The following CFAP61 variants were observed in gnomAD, a reference collection of about 807,000 sequenced individuals.
CFAP61 encodes cilia- and flagella-associated protein 61.
In CFAP61, 107 loss-of-function variants were observed where a neutral mutation model predicts 135.6. The ratio of observed to expected loss-of-function variants is 0.79; its 90% CI spans 0.67 to 0.93. CFAP61 has a LOEUF of 0.93. CFAP61 is among the 40% of genes least tolerant of loss of function. The pLI, the probability that CFAP61 is intolerant of heterozygous loss-of-function variation, is 0.00. For missense variants in CFAP61, 1,507 were observed against 1,556.2 expected (o/e 0.97, Z 0.53); for synonymous variants, 575 against 578.5 (o/e 0.99, Z 0.09).
chr20:20,076,031 T>G (rs1216110768), intron 6 of CFAP61, among the ~76,000 whole-genome samples: 1 of 152,230 alleles, frequency 6.6e-6, no homozygotes, highest in African/African-American at 2.4e-5. Context: ...TGAAGGTCTC[T>G]ACCATCAGGT....
At chr20:20,231,124 G>C (rs2049104597) in intron 18 of CFAP61, among the ~76,000 whole-genome samples, 1 of 152,228 alleles carries the variant, frequency 6.6e-6, no homozygotes, top group African/African-American at 2.4e-5. Flanking sequence ...GCTACTGGGA[G>C]AGCTGAAGTG....
At chr20:20,268,942 A>T (rs1259933885) in intron 21 of CFAP61, among the ~76,000 whole-genome samples, 1 of 152,090 alleles carries the variant, frequency 6.6e-6, no homozygotes, top group East Asian at 1.9e-4. Context: ...GAAAAGTATA[A>T]CATTAAAATT....
At chr20:20,104,498 T>A (rs1344782724) in intron 8 of CFAP61, among the ~76,000 whole-genome samples, 1 of 152,214 alleles carries the variant, frequency 6.6e-6, no homozygotes, top group Non-Finnish European at 1.5e-5. Context: ...CCATTTTATA[T>A]TCCTGGATTC....
chr20:20,085,374 A>G (rs2046723538), intron 6 of CFAP61: 3 of 1,337,632 alleles, frequency 2.2e-6, no homozygotes, highest in Middle Eastern at 2.2e-4. Flanking sequence ...TATCATTAGC[A>G]CTCGGGCTGA....
intron 7 of CFAP61, among the ~76,000 whole-genome samples, chr20:20,098,412 C>A (rs184964647): frequency 2.3e-4 from 35 of 151,724 alleles, no homozygotes; most frequent in Middle Eastern, 3.4e-3. Flanking sequence ...GAGTTCAAGA[C>A]CAGCCTGGCC....
intron 6 of CFAP61, among the ~76,000 whole-genome samples, chr20:20,089,541 A>C (rs2146612105): frequency 6.6e-6 from 1 of 152,210 alleles, no homozygotes; most frequent in Non-Finnish European, 1.5e-5. Context: ...ATATACTAGA[A>C]AAAAATAACA....
intron 13 of CFAP61, among the ~76,000 whole-genome samples, chr20:20,178,981 C>A (rs2064448): frequency 0.9 from 137,404 of 152,200 alleles, 62,844 homozygotes; most frequent in Middle Eastern, 0.99. Context: ...ACTCAGATCA[C>A]TTTTTCTTCT....
At chr20:20,170,044 T>C (rs941978879) in intron 13 of CFAP61, among the ~76,000 whole-genome samples, 1 of 152,246 alleles carries the variant, frequency 6.6e-6, no homozygotes, top group African/African-American at 2.4e-5. Flanking sequence ...TCCCTGCCTT[T>C]TCAAGGCTTA....
intron 16 of CFAP61, among the ~76,000 whole-genome samples, chr20:20,199,217 T>C (rs1325059644): frequency 6.6e-6 from 1 of 152,252 alleles, no homozygotes; most frequent in African/African-American, 2.4e-5. Context: ...CCTAGTTTTA[T>C]CTTTTTGTTC....
chr20:20,165,845 C>A (rs1197255255), intron 11 of CFAP61, among the ~76,000 whole-genome samples: 2 of 152,118 alleles, frequency 1.3e-5, no homozygotes, highest in African/African-American at 4.8e-5. Context: ...AAAAGAAATT[C>A]TTTTTATTCT....
At chr20:20,115,124 G>A (rs2049050283) in intron 8 of CFAP61, among the ~76,000 whole-genome samples, 2 of 151,820 alleles carry the variant, frequency 1.3e-5, no homozygotes, top group African/African-American at 4.8e-5. Flanking sequence ...CTAATGTTTT[G>A]TTTAGGATTT....
chr20:20,223,777 G>A (rs982766179), intron 17 of CFAP61, among the ~76,000 whole-genome samples: 2 of 152,128 alleles, frequency 1.3e-5, no homozygotes, highest in Non-Finnish European at 2.9e-5. Flanking sequence ...ACTCAAAACT[G>A]TGTATTTCAG....
At chr20:20,091,575 C>T (rs2047203823) in intron 7 of CFAP61, among the ~76,000 whole-genome samples, 2 of 151,898 alleles carry the variant, frequency 1.3e-5, no homozygotes, top group South Asian at 2.1e-4. Flanking sequence ...TGCCCCTTTA[C>T]CTGTAAGTAT....
At chr20:20,189,652 C>T (rs1316039671) in intron 14 of CFAP61, among the ~76,000 whole-genome samples, 1 of 152,184 alleles carries the variant, frequency 6.6e-6, no homozygotes, top group African/African-American at 2.4e-5. Context: ...ATCAGAATGA[C>T]TAAAACAAAA....
intron 13 of CFAP61, chr20:20,184,446 TAAAGAG>T (rs2055353215): frequency 6.6e-6 from 1 of 151,644 alleles, no homozygotes. Context: ...AAAAACAAAA[TAAAGAG>T]AAAGTAGGAA....
intron 12 of CFAP61, among the ~76,000 whole-genome samples, chr20:20,166,980 C>T (rs549685410): frequency 6.6e-6 from 1 of 152,232 alleles, no homozygotes; most frequent in African/African-American, 2.4e-5. Flanking sequence ...CGGGCTTCTG[C>T]CTACATTCTT....
chr20:20,181,780 G>A (rs2055118921), intron 13 of CFAP61, among the ~76,000 whole-genome samples: 1 of 152,174 alleles, frequency 6.6e-6, no homozygotes, highest in African/African-American at 2.4e-5. Context: ...GCACCCTTGG[G>A]AAAAGAACAC....
chr20:20,096,398 A>T (rs1165365544), intron 7 of CFAP61, among the ~76,000 whole-genome samples: 2 of 152,250 alleles, frequency 1.3e-5, no homozygotes, highest in African/African-American at 4.8e-5. Context: ...TTTGTTCCTA[A>T]TGGCAAAACA....
chr20:20,352,622 G>A (rs2058882226), intron 26 of CFAP61, among the ~76,000 whole-genome samples: 1 of 152,164 alleles, frequency 6.6e-6, no homozygotes, highest in Admixed American at 6.5e-5. Flanking sequence ...TTGGGAAAAT[G>A]GGAACATTCC....
Sources: gnomAD v4.1 joint callset for allele counts (sites outside exome capture counted in the v4.1 genomes callset) on GRCh38, gnomAD v4.1.1 for gene constraint, MANE v1.5 for transcripts, NCBI Gene and HGNC (gene_info 2026-07-23, HGNC 2026-07-21) for gene names.